The following SATB2 variants were observed in gnomAD, a reference collection of about 807,000 sequenced individuals.
The protein encoded by SATB2 is SATB homeobox 2, also known as DNA-binding protein SATB2.
In SATB2, 1 loss-of-function variant was observed where a neutral mutation model predicts 73.4. That is an observed-to-expected ratio of 0.01 (90% CI 0.00 to 0.06). The LOEUF (loss-of-function observed/expected upper bound fraction) is 0.06, where lower values mean the gene tolerates loss of function less well. Ranked by LOEUF, SATB2 falls within the 10% of genes least tolerant of loss-of-function variation. The pLI is 1.00. For missense variants in SATB2, 459 were observed against 945.8 expected (o/e 0.49, Z 6.75); for synonymous variants, 397 against 367.0 (o/e 1.08, Z -0.93).
chr2:199,376,116 A>C (rs1468627219), intron 5 of SATB2, among the ~76,000 whole-genome samples: 1 of 152,222 alleles, frequency 6.6e-6, no homozygotes, highest in Non-Finnish European at 1.5e-5. Context: ...GCCAGGGTCC[A>C]CATTACATAT....
chr2:199,389,246 A>G (rs139941229), intron 3 of SATB2, among the ~76,000 whole-genome samples: 400 of 152,328 alleles, frequency 2.6e-3, no homozygotes, highest in African/African-American at 9.1e-3. Context: ...TTTAATGCAT[A>G]GTTTAGCAGT....
intron 5 of SATB2, among the ~76,000 whole-genome samples, chr2:199,379,161 CTCA>C (rs1404164137): frequency 1.3e-5 from 2 of 152,144 alleles, no homozygotes; most frequent in Non-Finnish European, 2.9e-5. Flanking sequence ...AAAATATTAT[CTCA>C]TCAGTAGAAA....
At chr2:199,443,046 G>C (rs1279571255) in intron 2 of SATB2, among the ~76,000 whole-genome samples, 3 of 127,786 alleles carry the variant, frequency 2.3e-5, no homozygotes, top group East Asian at 4.7e-4. Flanking sequence ...TTTTGAGACA[G>C]AGTCTCACTC....
At chr2:199,437,260 C>A (rs985213067) in intron 2 of SATB2, among the ~76,000 whole-genome samples, 2 of 152,076 alleles carry the variant, frequency 1.3e-5, no homozygotes, top group African/African-American at 4.8e-5. Context: ...AGAGGACAGG[C>A]GCTCGGCCTC....
intron 5 of SATB2, among the ~76,000 whole-genome samples, chr2:199,379,668 T>C (rs561531283): frequency 3.1e-4 from 34 of 110,316 alleles, no homozygotes; most frequent in African/African-American, 1.0e-3. Flanking sequence ...AAAACGTCTA[T>C]TTTCTTTTCT....
At chr2:199,324,841 A>C (rs1352047680) in intron 8 of SATB2, among the ~76,000 whole-genome samples, 1 of 152,200 alleles carries the variant, frequency 6.6e-6, no homozygotes, top group African/African-American at 2.4e-5. Flanking sequence ...GCAAGATTTC[A>C]GGAAAAGACA....
At chr2:199,280,604 TG>T (rs1288786264) in intron 10 of SATB2, among the ~76,000 whole-genome samples, 1 of 152,094 alleles carries the variant, frequency 6.6e-6, no homozygotes, top group African/African-American at 2.4e-5. Flanking sequence ...ATGGCCGCTT[TG>T]GGGGTGGCTG....
At chr2:199,342,492 T>C (rs1186185313) in intron 7 of SATB2, among the ~76,000 whole-genome samples, 4 of 151,186 alleles carry the variant, frequency 2.6e-5, no homozygotes, top group Non-Finnish European at 5.9e-5. Context: ...AAGGTCATAA[T>C]GACCTAATGG....
intron 10 of SATB2, among the ~76,000 whole-genome samples, chr2:199,281,010 C>A (rs1264111810): frequency 2.0e-5 from 3 of 152,084 alleles, no homozygotes; most frequent in African/African-American, 7.2e-5. Flanking sequence ...CCCCCAGACA[C>A]CCAGCTTTAA....
chr2:199,332,282 G>GAAAC (rs1424830156), intron 7 of SATB2, among the ~76,000 whole-genome samples: 1 of 152,034 alleles, frequency 6.6e-6, no homozygotes, highest in Non-Finnish European at 1.5e-5. Context: ...GTAAGACCAG[G>GAAAC]AAACATGTTG....
rs111330899 is a variant in SATB2 at position 199,308,617 on chromosome 2, G to A, written c.1740+143C>T. 7.5e-5 allele frequency: 52 copies of A among 695,774 alleles called. No homozygotes were observed. The highest frequency in any genetic ancestry group is 4.0e-4 in the Middle Eastern group (1 of 2,508). The allele number at this position is 695,774 out of a possible 1,614,324, so 43.1% of individuals were successfully genotyped here. A position where few individuals can be genotyped will look rare whatever the true frequency, so the allele number is the denominator to read the frequency against. ...ACATACACACAGTACCCACTGTGAC[G>A]ACAGCGTCTTCTGTACTTGGGGACC... On this transcript the variant is annotated intron_variant, in intron 10 of 10. Coordinates refer to ENST00000417098, the MANE Select transcript of SATB2 (RefSeq NM_001172509.2). This position sits in a 1 kb window ranked among gnomAD's most constrained non-coding sequence, Gnocchi z 4.6.
At chr2:199,324,141 T>C (rs557868134) in intron 8 of SATB2, among the ~76,000 whole-genome samples, 183 bp from the exon 9 acceptor site, 21 of 152,230 alleles carry the variant, frequency 1.4e-4, no homozygotes, top group South Asian at 8.3e-4. Flanking sequence ...TGCATTCCTA[T>C]AGGACATGCA....
At chr2:199,408,474 C>A (rs1690702706) in intron 3 of SATB2, among the ~76,000 whole-genome samples, 1 of 152,054 alleles carries the variant, frequency 6.6e-6, no homozygotes, top group Non-Finnish European at 1.5e-5. Flanking sequence ...GTCAAGACCA[C>A]AATGAGGTAA....
chr2:199,456,179 T>G, intron 1 of SATB2, 83 bp from the exon 2 acceptor site: 29 of 825,586 alleles, frequency 3.5e-5, no homozygotes, highest in East Asian at 2.7e-5. Context: ...TTCAGGCCAG[T>G]GGCAGAGCGC....
At chr2:199,362,284 T>A (rs1689161157) in intron 6 of SATB2, among the ~76,000 whole-genome samples, 1 of 151,892 alleles carries the variant, frequency 6.6e-6, no homozygotes, top group South Asian at 2.1e-4. Context: ...CATTCCTCCT[T>A]CTCTTTTCCT....
chr2:199,421,213 A>AT (rs1399807496), intron 3 of SATB2, among the ~76,000 whole-genome samples: 1 of 152,166 alleles, frequency 6.6e-6, no homozygotes, highest in African/African-American at 2.4e-5. Flanking sequence ...TTGGTATGCT[A>AT]TAAGAAAGAC....
chr2:199,346,284 G>T (rs1400285933), intron 7 of SATB2, among the ~76,000 whole-genome samples: 1 of 151,648 alleles, frequency 6.6e-6, no homozygotes, highest in Non-Finnish European at 1.5e-5. Context: ...CAAGTAGCTG[G>T]GATTACAGGC....
chr2:199,424,182 T>C (rs555320769), intron 3 of SATB2, among the ~76,000 whole-genome samples: 25 of 152,374 alleles, frequency 1.6e-4, no homozygotes, highest in African/African-American at 5.5e-4. Flanking sequence ...AAGTGGCACG[T>C]GCTCTACAGC....
In SATB2 at chr2:199,381,747, G is replaced by C; in HGVS notation, c.420C>G (p.Ala140=). 6.2e-7 allele frequency: 1 copy of C among 1,614,068 alleles called. No homozygotes were observed. The highest frequency in any genetic ancestry group is 1.3e-5 in the African/African-American group (1 of 75,014). Residue 140 remains alanine, a synonymous_variant, in exon 4 of 11, where the codon GCC becomes GCG. Coordinates refer to ENST00000417098, the MANE Select transcript of SATB2 (RefSeq NM_001172509.2). ...CATGATAGACATCTTGTAGCATGTCGGCCACTGTCGCGTCGGGTGCATCTG... is the reference window on the plus strand; with the variant it reads ...CATGATAGACATCTTGTAGCATGTCCGCCACTGTCGCGTCGGGTGCATCTG... The part of the protein sequence containing the change: ...YVTDAPDATV[A]DMLQDVYHVV...
Sources: gnomAD v4.1 joint callset for allele counts (sites outside exome capture counted in the v4.1 genomes callset) on GRCh38, gnomAD v4.1.1 for gene constraint, Gnocchi (gnomAD v3.1) non-coding constraint, MANE v1.5 for transcripts, NCBI Gene and HGNC (gene_info 2026-07-23, HGNC 2026-07-21) for gene names.